ITFG1: variants seen among roughly 807,000 people sequenced by gnomAD.
The protein encoded by ITFG1 is T-cell immunomodulatory protein.
Under a neutral mutation model 81.8 loss-of-function variants are expected in ITFG1, and 34 were observed. The observed-to-expected ratio is 0.42, with a 90% CI of 0.32 to 0.55. The LOEUF is 0.55. ITFG1 is among the 20% of genes least tolerant of loss of function. ITFG1 has a pLI of 0.17. For synonymous variants in ITFG1, 285 were observed against 270.6 expected, an observed-to-expected ratio of 1.05 and a Z score of -0.52; for missense variants, 672 against 755.4, an observed-to-expected ratio of 0.89 and a Z score of 1.29.
intron 6 of ITFG1, among the ~76,000 whole-genome samples, chr16:47,409,975 G>T (rs192873250): frequency 6.6e-6 from 1 of 152,126 alleles, no homozygotes; most frequent in East Asian, 1.9e-4. Context: ...ATTATTAAAA[G>T]ACAAGAAAAA....
At chr16:47,245,004 T>A (rs1420787922) in intron 12 of ITFG1, among the ~76,000 whole-genome samples, 1 of 152,104 alleles carries the variant, frequency 6.6e-6, no homozygotes, top group African/African-American at 2.4e-5. Flanking sequence ...CTGCGGTATT[T>A]TGTTATGGAA....
In ITFG1 at chr16:47,419,601, CTTTTTTTTTTT is replaced by C. The variant is rs34405979; in HGVS notation, c.655+9192_655+9202del. ...GCACTTTCACGGCCTTACTTCAGGT[CTTTTTTTTTTT>C]TTTTTTTTTTTTGAGATGGAGTCTC... On this transcript the variant is annotated intron_variant, in intron 6 of 17. Coordinates refer to ENST00000320640, the MANE Select transcript of ITFG1 (RefSeq NM_030790.5). Among the ~76,000 whole-genome samples, 6 of 81,992 alleles carry C rather than the reference CTTTTTTTTTTT, an allele frequency of 7.3e-5. No individual in the cohort carries two copies. The East Asian group carries it at 1.6e-3, about 22-fold the overall frequency. The allele number at this position is 81,992 out of a possible 152,430, so 53.8% of individuals were successfully genotyped here.
chr16:47,256,360 A>T (rs1196312266), intron 12 of ITFG1, among the ~76,000 whole-genome samples: 2 of 152,204 alleles, frequency 1.3e-5, no homozygotes, highest in Non-Finnish European at 2.9e-5. Context: ...ATCCCTAAGG[A>T]ATCAAATCCC....
At chr16:47,371,270 T>C (rs1968250261) in intron 7 of ITFG1, among the ~76,000 whole-genome samples, 1 of 152,258 alleles carries the variant, frequency 6.6e-6, no homozygotes, top group South Asian at 2.1e-4. Context: ...CCTTGACTTA[T>C]TAAAAAATGT....
intron 12 of ITFG1, among the ~76,000 whole-genome samples, chr16:47,244,726 A>G (rs773077347): frequency 1.3e-5 from 2 of 151,044 alleles, no homozygotes; most frequent in South Asian, 2.1e-4. Flanking sequence ...CTAACCCCCA[A>G]TGTGGCTGTT....
chr16:47,176,691 T>C (rs965597511), intron 14 of ITFG1, among the ~76,000 whole-genome samples: 1 of 152,224 alleles, frequency 6.6e-6, no homozygotes, highest in Non-Finnish European at 1.5e-5. Context: ...ATCAATGTGT[T>C]CTTTGCCCAT....
intron 6 of ITFG1, among the ~76,000 whole-genome samples, chr16:47,410,469 G>A (rs753231752): frequency 7.9e-5 from 12 of 152,070 alleles, no homozygotes; most frequent in Non-Finnish European, 1.2e-4. Flanking sequence ...ACACAGCCAG[G>A]AAGCGCCTCT....
At chr16:47,306,461 AC>A (rs1967160877) in intron 10 of ITFG1, among the ~76,000 whole-genome samples, 1 of 152,106 alleles carries the variant, frequency 6.6e-6, no homozygotes. Context: ...ATTTATGTGA[AC>A]CCTTTAAGAT....
At chr16:47,302,838 G>T (rs1231609378) in intron 10 of ITFG1, among the ~76,000 whole-genome samples, 1 of 152,064 alleles carries the variant, frequency 6.6e-6, no homozygotes, top group African/African-American at 2.4e-5. Context: ...GTGCCACATC[G>T]CCTTGTTACC....
chr16:47,210,835 A>G (rs1241293083), intron 14 of ITFG1, among the ~76,000 whole-genome samples: 1 of 152,158 alleles, frequency 6.6e-6, no homozygotes, highest in Non-Finnish European at 1.5e-5. Flanking sequence ...AATACCATAC[A>G]GTCTTGATTA....
At chr16:47,275,091 CAT>C (rs1421672703) in intron 10 of ITFG1, among the ~76,000 whole-genome samples, 1 of 152,094 alleles carries the variant, frequency 6.6e-6, no homozygotes, top group East Asian at 1.9e-4. Context: ...TTACATATCA[CAT>C]GTCTGTTATT....
Position 47,461,024 on chromosome 16 carries a change from G to T in ITFG1, c.22C>A (p.Pro8Thr). Residue 8 changes from proline to threonine, a missense_variant, in exon 1 of 18, where the codon CCG becomes ACG. Pro to Thr is a conservative substitution (Grantham distance 38). Around this residue, in one of 3 missense-constraint regions of ITFG1, gnomAD observed 47 missense variants for 26.4 expected, o/e 1.78. Coordinates refer to ENST00000320640, the MANE Select transcript of ITFG1 (RefSeq NM_030790.5). Reference protein sequence around the residue: MAAAGRLPSSWALFSPLL... With the variant: MAAAGRLTSSWALFSPLL... ...GGCGAGAAGAGGGCCCAGGAGCTCG[G>T]GAGCCGGCCCGCCGCCGCCATGGCA... 1 of 1,544,468 alleles carries T rather than the reference G, an allele frequency of 6.5e-7. No individual in the cohort carries two copies. Among genetic ancestry groups the T allele is most frequent in the Non-Finnish European group, 8.7e-7 (1 of 1,146,724 alleles).
intron 6 of ITFG1, among the ~76,000 whole-genome samples, chr16:47,380,289 T>C (rs1291449384): frequency 6.6e-6 from 1 of 152,188 alleles, no homozygotes; most frequent in South Asian, 2.1e-4. Flanking sequence ...CTTCATAGTC[T>C]GCAGAAGTAG....
chr16:47,301,553 T>C (rs1967076996), intron 10 of ITFG1, among the ~76,000 whole-genome samples: 1 of 152,024 alleles, frequency 6.6e-6, no homozygotes, highest in Non-Finnish European at 1.5e-5. Context: ...CCTGCCACCA[T>C]GCCAGCTAAT....
At chr16:47,273,574 C>T (rs532565296) in intron 10 of ITFG1, among the ~76,000 whole-genome samples, 5 of 152,244 alleles carry the variant, frequency 3.3e-5, no homozygotes, top group Admixed American at 6.5e-5. Flanking sequence ...TATCCCCAGT[C>T]AGTGTCTAGG....
chr16:47,317,666 T>A (rs1596889058), intron 8 of ITFG1: 1 of 152,258 alleles, frequency 6.6e-6, no homozygotes, highest in Admixed American at 6.5e-5. Context: ...TGTATGTTCG[T>A]AAGTTCTCCG....
intron 8 of ITFG1, among the ~76,000 whole-genome samples, chr16:47,352,995 T>C (rs1425398705): frequency 6.8e-6 from 1 of 147,704 alleles, no homozygotes; most frequent in Non-Finnish European, 1.5e-5. Flanking sequence ...CACTCATAGG[T>C]GGGAATTGAA....
chr16:47,175,681 A>G (rs957896780), intron 14 of ITFG1, among the ~76,000 whole-genome samples: 19 of 152,228 alleles, frequency 1.2e-4, no homozygotes, highest in African/African-American at 4.6e-4. Context: ...GTCTTATGAT[A>G]CATGTTCTGG....
chr16:47,281,548 C>T (rs1208225437), intron 10 of ITFG1, among the ~76,000 whole-genome samples: 1 of 152,080 alleles, frequency 6.6e-6, no homozygotes, highest in African/African-American at 2.4e-5. Flanking sequence ...AAGTTTTAAT[C>T]TCTTTAATAG....
Sources: allele counts gnomAD v4.1 joint callset (sites outside exome capture counted in the v4.1 genomes callset), GRCh38; gene constraint gnomAD v4.1.1; regional missense constraint gnomAD v4.1.1; transcripts MANE v1.5; gene names NCBI Gene and HGNC (gene_info 2026-07-23, HGNC 2026-07-21).